Variants in KAZN observed in about 807,000 individuals in gnomAD.
KAZN encodes kazrin, periplakin interacting protein, also known as kazrin.
In KAZN, 40 loss-of-function variants were observed where a neutral mutation model predicts 87.4. The ratio of observed to expected loss-of-function variants is 0.46; its 90% CI spans 0.36 to 0.60. The LOEUF is 0.60. Among genes scored for constraint, KAZN ranks in the 20% least tolerant of loss-of-function variants. The pLI is 0.00. For synonymous variants in KAZN, 466 were observed against 458.3 expected (o/e 1.02, Z -0.22); for missense variants, 898 against 1,073.9 (o/e 0.84, Z 2.29).
chr1:14,254,097 T>C (rs1387963700), intron 2 of KAZN, among the ~76,000 whole-genome samples: 3 of 152,178 alleles, frequency 2.0e-5, no homozygotes, highest in African/African-American at 4.8e-5. Flanking sequence ...TCTGCTTTTA[T>C]GCATTTTTCT....
intron 2 of KAZN, among the ~76,000 whole-genome samples, chr1:14,420,884 C>T (rs1665367811): frequency 5.2e-5 from 1 of 19,280 alleles, no homozygotes; most frequent in South Asian, 4.5e-3. Context: ...CCGCACCTCT[C>T]CCTCCACACC....
intron 2 of KAZN, among the ~76,000 whole-genome samples, chr1:14,557,062 C>A (rs1360225790): frequency 6.6e-6 from 1 of 152,014 alleles, no homozygotes; most frequent in African/African-American, 2.4e-5. Context: ...TAAAGCTACA[C>A]AAGAAATAGC....
chr1:14,706,126 A>G (rs1176124259), intron 1 of KAZN, among the ~76,000 whole-genome samples: 1 of 152,124 alleles, frequency 6.6e-6, no homozygotes, highest in Non-Finnish European at 1.5e-5. Flanking sequence ...TCCTTAGGAG[A>G]ATTGAGAATC....
At chr1:14,150,699 A>G (rs1043790518) in intron 1 of KAZN, among the ~76,000 whole-genome samples, 2 of 152,198 alleles carry the variant, frequency 1.3e-5, no homozygotes, top group African/African-American at 4.8e-5. Flanking sequence ...TCACATTCCC[A>G]TTGCTGATCC....
rs948536006 is a variant in KAZN, at chr1:15,114,820, C to A, written c.*185C>A. 8 of 571,564 alleles carry A rather than the reference C, an allele frequency of 1.4e-5. No individual in the cohort carries two copies. Among genetic ancestry groups the A allele is most frequent in the Non-Finnish European group, 2.4e-5 (8 of 329,174 alleles). The allele number at this position is 571,564 out of a possible 1,614,324, so 35.4% of individuals were successfully genotyped here. A position where few individuals can be genotyped will look rare whatever the true frequency, so the allele number is the denominator to read the frequency against. ...GCGCCCAGGAGAGAGAAGACACCAG[C>A]CCACCTGTCTTGGGTGGGCCATGGA... On this transcript the variant is annotated 3_prime_UTR_variant, in exon 15 of 15. Coordinates refer to ENST00000376030, the MANE Select transcript of KAZN (RefSeq NM_201628.3).
intron 2 of KAZN, among the ~76,000 whole-genome samples, chr1:14,286,016 C>T (rs866755437): frequency 3.3e-5 from 5 of 152,190 alleles, no homozygotes; most frequent in South Asian, 2.1e-4. Context: ...CCCTCTCTTA[C>T]GCTGCTCAAT....
chr1:14,066,538 C>T (rs1347802386), intron 1 of KAZN, among the ~76,000 whole-genome samples: 1 of 152,174 alleles, frequency 6.6e-6, no homozygotes, highest in African/African-American at 2.4e-5. Flanking sequence ...GGAGAACAAT[C>T]TGTTCATTTT....
chr1:14,907,471 AT>A (rs1048484882), intron 1 of KAZN, among the ~76,000 whole-genome samples: 7 of 151,746 alleles, frequency 4.6e-5, no homozygotes, highest in Admixed American at 2.0e-4. Flanking sequence ...CAGAATCTGC[AT>A]TTTAACAAGA....
intron 1 of KAZN, among the ~76,000 whole-genome samples, chr1:14,091,038 G>C (rs976473019): frequency 6.7e-6 from 1 of 150,106 alleles, no homozygotes; most frequent in Non-Finnish European, 1.5e-5. Context: ...CTTGAACCCA[G>C]GAGGCAGAGG....
At chr1:14,220,379 A>T (rs1301322176) in intron 2 of KAZN, among the ~76,000 whole-genome samples, 1 of 152,072 alleles carries the variant, frequency 6.6e-6, no homozygotes, top group East Asian at 1.9e-4. Context: ...CCTGGTCCTG[A>T]CTTAGAATCT....
chr1:14,840,507 G>A (rs11585327), intron 1 of KAZN, among the ~76,000 whole-genome samples: 29,391 of 152,208 alleles, frequency 0.19, 3,836 homozygotes, highest in African/African-American at 0.37. Flanking sequence ...GATGCTCAGA[G>A]AAGATTATGC....
chr1:14,124,039 C>T (rs568558478), intron 1 of KAZN, among the ~76,000 whole-genome samples: 3 of 152,296 alleles, frequency 2.0e-5, no homozygotes, highest in South Asian at 2.1e-4. Context: ...CTTTCTATGA[C>T]GACTTTTCCC....
At chr1:14,316,066 C>T (rs769605285) in intron 2 of KAZN, among the ~76,000 whole-genome samples, 7 of 151,982 alleles carry the variant, frequency 4.6e-5, no homozygotes, top group Non-Finnish European at 1.0e-4. Context: ...CTTTATATTA[C>T]CAGTCTTTAA....
chr1:14,444,276 C>T (rs1221524861), intron 2 of KAZN, among the ~76,000 whole-genome samples: 1 of 150,810 alleles, frequency 6.6e-6, no homozygotes, highest in Non-Finnish European at 1.5e-5. Context: ...CCCTCCAACT[C>T]GCTCATCTCC....
chr1:14,693,693 A>G (rs1353745161), intron 1 of KAZN, among the ~76,000 whole-genome samples: 1 of 152,188 alleles, frequency 6.6e-6, no homozygotes, highest in African/African-American at 2.4e-5. Flanking sequence ...GTCATTCAAC[A>G]GGGTCTGTAA....
At position 15,021,709 on chromosome 1, in the gene KAZN, C is replaced by T. The variant is rs1248884104; in HGVS notation, c.419-13040C>T. 6.6e-6 allele frequency among the ~76,000 whole-genome samples: 1 copy of T among 152,176 alleles called. No homozygotes were observed. Among genetic ancestry groups the T allele is most frequent in the Non-Finnish European group, 1.5e-5 (1 of 68,038 alleles). On this transcript the variant is annotated intron_variant, in intron 2 of 14. Transcript: ENST00000376030. The surrounding 1 kb of genome is among the most constrained non-coding windows in gnomAD (Gnocchi z 4.2). ...AGCCTGCAGAGGGCCCCTGTGGCTC[C>T]CTGCAGTCCCTCTTATGACGGACAC...
chr1:14,206,758 G>C (rs979206436), intron 2 of KAZN, among the ~76,000 whole-genome samples: 4 of 139,040 alleles, frequency 2.9e-5, no homozygotes, highest in African/African-American at 1.1e-4. Flanking sequence ...ATTTTCCCAT[G>C]CCATTAAACA....
intron 1 of KAZN, among the ~76,000 whole-genome samples, chr1:14,023,792 G>A (rs973451671): frequency 1.3e-5 from 2 of 152,110 alleles, no homozygotes; most frequent in Non-Finnish European, 2.9e-5. Context: ...GATGAGTTCC[G>A]GCTCTGCTGA....
intron 1 of KAZN, among the ~76,000 whole-genome samples, chr1:14,793,558 T>A (rs907242219): frequency 6.6e-6 from 1 of 152,172 alleles, no homozygotes; most frequent in East Asian, 1.9e-4. Context: ...ATAACAAGAG[T>A]ACCTGGTTAT....
Sources: allele counts gnomAD v4.1 joint callset (sites outside exome capture counted in the v4.1 genomes callset), GRCh38; gene constraint gnomAD v4.1.1; non-coding constraint Gnocchi (gnomAD v3.1); transcripts MANE v1.5; gene names NCBI Gene and HGNC (gene_info 2026-07-23, HGNC 2026-07-21).